The following ZUP1 variants were observed in gnomAD, a reference collection of about 807,000 sequenced individuals.
ZUP1 encodes zinc finger containing ubiquitin peptidase 1.
Under a neutral mutation model 68.1 loss-of-function variants are expected in ZUP1, and 55 were observed. The ratio of observed to expected loss-of-function variants is 0.81; its 90% CI spans 0.65 to 1.01. The LOEUF (loss-of-function observed/expected upper bound fraction) is 1.01. Among genes scored for constraint, ZUP1 ranks in the 50% least tolerant of loss-of-function variants. ZUP1 has a pLI of 0.00. For synonymous variants in ZUP1, 223 were observed against 221.5 expected (o/e 1.01, Z -0.06); for missense variants, 684 against 674.9 (o/e 1.01, Z -0.15).
In ZUP1 at chr6:116,652,202, A is replaced by T. The variant is rs1776529247; in HGVS notation, c.962-10T>A. On this transcript the variant is annotated splice_polypyrimidine_tract_variant and intron_variant, in intron 5 of 9. Transcript: ENST00000368576. ...AGTGCTTCAATAATTCCTAAAGTAGAAAAGAGATTCAGAAGCAGTCATTAT... is the reference window on the plus strand; with the variant it reads ...AGTGCTTCAATAATTCCTAAAGTAGTAAAGAGATTCAGAAGCAGTCATTAT... The T allele has an allele frequency of 6.2e-7, 1 of 1,604,882 alleles. No homozygotes were observed. The highest frequency in any genetic ancestry group is 8.5e-7 in the Non-Finnish European group (1 of 1,175,750).
intron 9 of ZUP1, among the ~76,000 whole-genome samples, chr6:116,640,201 T>C (rs1020506323): frequency 1.3e-5 from 2 of 151,998 alleles, no homozygotes; most frequent in Non-Finnish European, 2.9e-5. Context: ...AAAGACCAAA[T>C]CTACGTCTGA....
At chr6:116,651,849 G>C in intron 6 of ZUP1, 112 bp from the exon 7 acceptor site, 2 of 1,412,644 alleles carry the variant, frequency 1.4e-6, no homozygotes, top group South Asian at 2.7e-5. Context: ...AGTTATTCCT[G>C]ACATCTTCTA....
At chr6:116,641,642 G>A (rs1084886) in intron 9 of ZUP1, among the ~76,000 whole-genome samples, 32,223 of 151,920 alleles carry the variant, frequency 0.21, 3,741 homozygotes, top group Non-Finnish European at 0.28. Flanking sequence ...TGAAACCAAC[G>A]AGAACAAAGA....
chr6:116,646,964 C>A (rs759767885), intron 8 of ZUP1, among the ~76,000 whole-genome samples: 26 of 152,124 alleles, frequency 1.7e-4, no homozygotes, highest in Non-Finnish European at 2.8e-4. Context: ...AAGGGATGAA[C>A]AATGAAGGAC....
intron 9 of ZUP1, among the ~76,000 whole-genome samples, chr6:116,638,801 G>A (rs935099162): frequency 1.5e-4 from 23 of 152,304 alleles, no homozygotes; most frequent in African/African-American, 5.5e-4. Flanking sequence ...TGAGGTACCG[G>A]GTTCATCTCA....
intron 2 of ZUP1, among the ~76,000 whole-genome samples, chr6:116,665,269 A>G (rs1319626176): frequency 2.0e-5 from 3 of 152,170 alleles, no homozygotes; most frequent in Non-Finnish European, 4.4e-5. Flanking sequence ...AAATGCATTA[A>G]AAAAGAATGT....
chr6:116,665,860 G>A (rs1387229529), intron 2 of ZUP1, among the ~76,000 whole-genome samples: 6 of 150,900 alleles, frequency 4.0e-5, no homozygotes, highest in Non-Finnish European at 7.4e-5. Context: ...CAACTTGCTG[G>A]GATTACAGGC....
Position 116,658,889 on chromosome 6 carries a change from A to C in ZUP1, c.706T>G (p.Leu236Val). ...DRVQCSGDLQ[L>V]AHQLQQEEDR... is the part of the protein sequence containing the mutation. ...TCTTCTTGCTGAAGCTGGTGAGCCA[A>C]TTGTAGATCACCAGAACACTGGACT... The change falls in exon 4 of 10, where the codon TTG (leucine) becomes GTG (valine). Residue 236 changes from leucine to valine, a missense_variant. Transcript: ENST00000368576. The C allele has an allele frequency of 6.2e-7, 1 of 1,612,158 alleles. No individual in the cohort carries two copies. The highest frequency in any genetic ancestry group is 8.5e-7 in the Non-Finnish European group (1 of 1,179,444).
intron 9 of ZUP1, among the ~76,000 whole-genome samples, chr6:116,637,025 T>C (rs1775927748): frequency 6.8e-6 from 1 of 147,342 alleles, no homozygotes; most frequent in South Asian, 2.1e-4. Flanking sequence ...AAGAAACAGA[T>C]GCTAAAAAAA....
chr6:116,663,968 T>C (rs1776919815), intron 2 of ZUP1, among the ~76,000 whole-genome samples: 1 of 151,720 alleles, frequency 6.6e-6, no homozygotes, highest in South Asian at 2.1e-4. Context: ...AATAAAATAA[T>C]ATTAGTAATA....
Position 116,635,697 on chromosome 6 carries a change from G to A in ZUP1, c.*135C>T, listed in dbSNP as rs1583355234. 3.5e-6 allele frequency: 2 copies of A among 564,586 alleles called. No homozygotes were observed. The highest frequency in any genetic ancestry group is 3.2e-5 in the South Asian group (1 of 31,570). The allele number at this position is 564,586 out of a possible 1,614,324, so 35.0% of individuals were successfully genotyped here. A position where few individuals can be genotyped will look rare whatever the true frequency, so the allele number is the denominator to read the frequency against. ...GATAGGTATAATTCAATTAACACAG[G>A]CATTTTAGAAATTAAATTATATGTT... is the stretch of plus-strand genomic sequence containing the variant. On this transcript the variant is annotated 3_prime_UTR_variant, in exon 10 of 10. Transcript: ENST00000368576.
chr6:116,638,949 C>T (rs1487874398), intron 9 of ZUP1, among the ~76,000 whole-genome samples: 1 of 152,212 alleles, frequency 6.6e-6, no homozygotes, highest in Admixed American at 6.5e-5. Context: ...AAAGGGGTGA[C>T]AGGCGGCACC....
Position 116,666,797 on chromosome 6 carries a change from A to T in ZUP1, c.396T>A (p.Ser132Arg). 1 of 1,613,420 alleles carries T rather than the reference A, an allele frequency of 6.2e-7. No homozygotes were observed. Among genetic ancestry groups the T allele is most frequent in the Non-Finnish European group, 8.5e-7 (1 of 1,179,790 alleles). ...NLTESRKFLK[S>R]REKQSSLTEI... ...CGGTCAGGCTGGACTGTTTTTCCCT[A>T]CTTTTCAGGAATTTTCTAGATTCAG... The change falls in exon 2 of 10, where the codon AGT (serine) becomes AGA (arginine). Residue 132 changes from serine to arginine, a missense_variant. Coordinates refer to ENST00000368576, the MANE Select transcript of ZUP1 (RefSeq NM_145062.3).
At chr6:116,665,277 T>C (rs1383030583) in intron 2 of ZUP1, among the ~76,000 whole-genome samples, 2 of 152,228 alleles carry the variant, frequency 1.3e-5, no homozygotes, top group South Asian at 2.1e-4. Flanking sequence ...TAAAAAAGAA[T>C]GTAGACACTG....
At chr6:116,648,058 G>A (rs1776368399) in intron 7 of ZUP1, among the ~76,000 whole-genome samples, 1 of 152,166 alleles carries the variant, frequency 6.6e-6, no homozygotes, top group East Asian at 1.9e-4. Flanking sequence ...GTAGCCATTG[G>A]TATATATAAA....
At position 116,652,172 on chromosome 6, in the gene ZUP1, T is replaced by C. The variant is rs776848119; in HGVS notation, c.982A>G (p.Arg328Gly). ...KTSGIIEALH[R>G]YYQNAATDVR... ...TCTGTGGCAGCATTCTGATAATACC[T>C]ATGAAGTGCTTCAATAATTCCTAAA... Residue 328 changes from arginine to glycine, a missense_variant, in exon 6 of 10, where the codon AGG becomes GGG. Coordinates refer to ENST00000368576, the MANE Select transcript of ZUP1 (RefSeq NM_145062.3). 1 of 1,612,040 alleles carries C rather than the reference T, an allele frequency of 6.2e-7. No individual in the cohort carries two copies. Among genetic ancestry groups the C allele is most frequent in the Non-Finnish European group, 8.5e-7 (1 of 1,179,210 alleles).
intron 7 of ZUP1, among the ~76,000 whole-genome samples, chr6:116,649,258 A>T (rs1776406844): frequency 6.6e-6 from 1 of 152,190 alleles, no homozygotes; most frequent in Admixed American, 6.5e-5. Context: ...ATAACTTAGA[A>T]ACAAACATAA....
intron 6 of ZUP1, 63 bp from the exon 7 acceptor site, chr6:116,651,800 G>C (rs1776503698): frequency 3.8e-6 from 6 of 1,570,376 alleles, no homozygotes; most frequent in Non-Finnish European, 5.2e-6. Flanking sequence ...ATATTTAGCA[G>C]TGTATTATGT....
At chr6:116,637,674 C>G (rs1398729499) in intron 9 of ZUP1, among the ~76,000 whole-genome samples, 1 of 152,194 alleles carries the variant, frequency 6.6e-6, no homozygotes, top group Non-Finnish European at 1.5e-5. Context: ...CACACCTATG[C>G]TCTCGAATGT....
Sources: allele counts gnomAD v4.1 joint callset (sites outside exome capture counted in the v4.1 genomes callset), GRCh38; gene constraint gnomAD v4.1.1; transcripts MANE v1.5; gene names NCBI Gene and HGNC (gene_info 2026-07-23, HGNC 2026-07-21).